The following CCSER1 variants were observed in gnomAD, a reference collection of about 807,000 sequenced individuals.
The protein encoded by CCSER1 is coiled-coil serine rich protein 1.
In CCSER1, 41 loss-of-function variants were observed where a neutral mutation model predicts 82.0. The ratio of observed to expected loss-of-function variants is 0.50; its 90% CI spans 0.39 to 0.65. The LOEUF (loss-of-function observed/expected upper bound fraction) is 0.65. CCSER1 is among the 30% of genes least tolerant of loss of function. The pLI is 0.00. For missense variants in CCSER1, 1,119 were observed against 1,064.2 expected (o/e 1.05, Z -0.72); for synonymous variants, 414 against 383.9 (o/e 1.08, Z -0.92).
intron 10 of CCSER1, among the ~76,000 whole-genome samples, chr4:91,144,830 T>A (rs771030047): frequency 1.3e-5 from 2 of 152,068 alleles, no homozygotes; most frequent in Admixed American, 6.6e-5. Context: ...AGAACATGCT[T>A]GATAGGATTT....
At chr4:91,427,632 G>T (rs1560662379) in intron 10 of CCSER1, among the ~76,000 whole-genome samples, 1 of 152,066 alleles carries the variant, frequency 6.6e-6, no homozygotes, top group African/African-American at 2.4e-5. Flanking sequence ...AAACTGAGAT[G>T]AAAATAATCT....
intron 5 of CCSER1, among the ~76,000 whole-genome samples, chr4:90,491,534 C>T (rs1201674222): frequency 6.6e-6 from 1 of 152,118 alleles, no homozygotes; most frequent in Non-Finnish European, 1.5e-5. Context: ...ATTGCCCTGG[C>T]CAGAACTTCC....
At chr4:90,923,327 C>A in intron 8 of CCSER1, 43 bp from the exon 9 acceptor site, 2 of 1,317,520 alleles carry the variant, frequency 1.5e-6, no homozygotes, top group Non-Finnish European at 2.1e-6. Flanking sequence ...TAGAAGTACA[C>A]ACCTCACCAA....
chr4:90,646,383 AGTGT>A (rs1727608987), intron 6 of CCSER1, among the ~76,000 whole-genome samples: 1 of 152,104 alleles, frequency 6.6e-6, no homozygotes, highest in Non-Finnish European at 1.5e-5. Context: ...ATTGGGTTTG[AGTGT>A]GTGTATTTGT....
chr4:90,810,956 C>T (rs1242711708), intron 7 of CCSER1, among the ~76,000 whole-genome samples: 1 of 151,430 alleles, frequency 6.6e-6, no homozygotes, highest in East Asian at 2.0e-4. Flanking sequence ...CCTCAGCCTC[C>T]TGAGTAGCTG....
chr4:90,716,631 C>T (rs1218125158), intron 6 of CCSER1, among the ~76,000 whole-genome samples: 2 of 151,868 alleles, frequency 1.3e-5, no homozygotes, highest in Non-Finnish European at 2.9e-5. Context: ...ACACAAATAC[C>T]ATTGTGTTTC....
intron 8 of CCSER1, among the ~76,000 whole-genome samples, chr4:90,888,711 T>C (rs942820091): frequency 1.3e-5 from 2 of 152,100 alleles, no homozygotes; most frequent in Non-Finnish European, 2.9e-5. Flanking sequence ...GGCCTAGAGA[T>C]ACAAGTGAAA....
At chr4:91,514,559 C>T (rs1434939073) in intron 10 of CCSER1, among the ~76,000 whole-genome samples, 1 of 152,062 alleles carries the variant, frequency 6.6e-6, no homozygotes, top group Admixed American at 6.6e-5. Context: ...TTTTAATTCC[C>T]CGATTATTGT....
intron 10 of CCSER1, among the ~76,000 whole-genome samples, chr4:91,211,923 G>A (rs1166549712): frequency 1.3e-5 from 2 of 152,048 alleles, no homozygotes; most frequent in African/African-American, 4.8e-5. Context: ...AGAAATGGAA[G>A]AAATATATAA....
chr4:91,278,677 T>G (rs1742663563), intron 10 of CCSER1, among the ~76,000 whole-genome samples: 1 of 152,194 alleles, frequency 6.6e-6, no homozygotes, highest in Non-Finnish European at 1.5e-5. Context: ...TTAATCCATT[T>G]ACCTTCAAGG....
intron 9 of CCSER1, among the ~76,000 whole-genome samples, chr4:90,953,294 A>T (rs1272221722): frequency 6.6e-6 from 1 of 151,928 alleles, no homozygotes; most frequent in African/African-American, 2.4e-5. Context: ...AAATTTTTTC[A>T]ACTTTAATTT....
intron 9 of CCSER1, among the ~76,000 whole-genome samples, chr4:91,042,794 C>T (rs953337380): frequency 9.2e-5 from 14 of 151,790 alleles, no homozygotes; most frequent in Admixed American, 6.6e-4. Context: ...GGAAAAAGTA[C>T]GTGAAAAGTG....
intron 6 of CCSER1, among the ~76,000 whole-genome samples, chr4:90,669,235 T>C (rs1435899577): frequency 6.6e-6 from 1 of 152,082 alleles, no homozygotes; most frequent in Non-Finnish European, 1.5e-5. Flanking sequence ...TTCTTTTGAA[T>C]TTCTCAAATT....
intron 5 of CCSER1, among the ~76,000 whole-genome samples, chr4:90,499,138 G>A (rs905040902): frequency 9.9e-5 from 15 of 151,692 alleles, no homozygotes; most frequent in Admixed American, 7.2e-4. Context: ...GTGTGCATAT[G>A]TGTGTGTTTG....
chr4:91,367,438 T>C (rs555059373), intron 10 of CCSER1, among the ~76,000 whole-genome samples: 4 of 149,538 alleles, frequency 2.7e-5, no homozygotes, highest in African/African-American at 9.9e-5. Flanking sequence ...TTCTTTCTTT[T>C]TTTTTTTTTT....
intron 5 of CCSER1, among the ~76,000 whole-genome samples, chr4:90,588,429 A>G (rs2148674270): frequency 6.6e-6 from 1 of 152,340 alleles, no homozygotes; most frequent in South Asian, 2.1e-4. Context: ...TTCATTTATA[A>G]GAAGCAACTT....
chr4:90,326,804 C>A (rs1046639737), intron 3 of CCSER1, among the ~76,000 whole-genome samples: 2 of 152,074 alleles, frequency 1.3e-5, no homozygotes, highest in African/African-American at 4.8e-5. Context: ...ATCCGATGAG[C>A]CCTGGCCCAG....
chr4:90,387,339 A>G lies in CCSER1; in HGVS notation c.1510-12697A>G, dbSNP rs550160754. 8.0e-4 allele frequency among the ~76,000 whole-genome samples: 122 copies of G among 152,330 alleles called. 1 individual carries two copies. Among genetic ancestry groups the G allele is most frequent in the African/African-American group, 2.8e-3 (117 of 41,578 alleles). On this transcript the variant is annotated intron_variant, in intron 3 of 10. Coordinates refer to ENST00000509176, the MANE Select transcript of CCSER1 (RefSeq NM_001145065.2). ...TTAACTTTAGGCTTAAATAATTTAA[A>G]TAAGGCTAGATTAGAAGAAAGCCAT...
intron 10 of CCSER1, among the ~76,000 whole-genome samples, chr4:91,087,134 T>C (rs913899038): frequency 2.6e-5 from 4 of 152,104 alleles, no homozygotes; most frequent in Admixed American, 2.6e-4. Context: ...GATCTACTTA[T>C]AGAAAGAACT....
Sources: gnomAD v4.1 joint callset for allele counts (sites outside exome capture counted in the v4.1 genomes callset) on GRCh38, gnomAD v4.1.1 for gene constraint, MANE v1.5 for transcripts, NCBI Gene and HGNC (gene_info 2026-07-23, HGNC 2026-07-21) for gene names.